Variants in IMMP2L observed in about 807,000 individuals in gnomAD.
The protein encoded by IMMP2L is inner mitochondrial membrane peptidase subunit 2, also known as mitochondrial inner membrane protease subunit 2.
IMMP2L carries 18 observed loss-of-function variants against 19.3 expected under a neutral mutation model. That is an observed-to-expected ratio of 0.93 (90% CI 0.64 to 1.38). The LOEUF is 1.38. IMMP2L is among the 40% of genes most tolerant of loss of function. The pLI, the probability that IMMP2L is intolerant of heterozygous loss-of-function variation, is 0.00. For missense variants in IMMP2L, 233 were observed against 218.2 expected (o/e 1.07, Z -0.43); for synonymous variants, 76 against 73.0 (o/e 1.04, Z -0.21).
At chr7:111,269,670 A>G (rs1230438009) in intron 3 of IMMP2L, among the ~76,000 whole-genome samples, 1 of 152,194 alleles carries the variant, frequency 6.6e-6, no homozygotes, top group African/African-American at 2.4e-5. Flanking sequence ...CAATGTTCAC[A>G]TCATGAAAGA....
intron 3 of IMMP2L, among the ~76,000 whole-genome samples, chr7:111,422,512 GCT>G (rs1383825149): frequency 6.6e-6 from 1 of 151,772 alleles, no homozygotes; most frequent in East Asian, 1.9e-4. Flanking sequence ...TCATGATTTG[GCT>G]CTCTGTTTGT....
chr7:111,214,509 T>G (rs214465), intron 3 of IMMP2L, among the ~76,000 whole-genome samples: 54,736 of 133,712 alleles, frequency 0.41, 11,283 homozygotes, highest in Non-Finnish European at 0.49. Flanking sequence ...AATCTGTTTT[T>G]TTTTTTTTTT....
At chr7:111,086,451 G>GA (rs200132086) in intron 3 of IMMP2L, among the ~76,000 whole-genome samples, 5 of 44,152 alleles carry the variant, frequency 1.1e-4, no homozygotes, top group African/African-American at 2.1e-4. Flanking sequence ...CAAAAATAAA[G>GA]AAAAAAAAAT....
At chr7:111,347,092 A>T (rs1382024732) in intron 3 of IMMP2L, among the ~76,000 whole-genome samples, 1 of 152,154 alleles carries the variant, frequency 6.6e-6, no homozygotes, top group Non-Finnish European at 1.5e-5. Flanking sequence ...ACGACTGCCA[A>T]GTCTCTGCTT....
chr7:110,864,615 G>C lies in IMMP2L; in HGVS notation c.408+21978C>G, dbSNP rs143602301. Among the ~76,000 whole-genome samples the C allele has an allele frequency of 2.2e-3, 332 of 152,072 alleles. 1 individual carries two copies. Among genetic ancestry groups the C allele is most frequent in the Middle Eastern group, 6.8e-3 (2 of 294 alleles). Reference sequence around the variant, plus strand: ...TGAAGAAACACAGAGTGCAAAAAGGGTTATTTCTTATTTTTTCTTTTGAAT... The same window carrying C: ...TGAAGAAACACAGAGTGCAAAAAGGCTTATTTCTTATTTTTTCTTTTGAAT... On this transcript the variant is annotated intron_variant, in intron 5 of 5. Transcript: ENST00000405709.
intron 3 of IMMP2L, among the ~76,000 whole-genome samples, chr7:111,128,051 G>A (rs889687393): frequency 6.6e-6 from 1 of 152,028 alleles, no homozygotes; most frequent in South Asian, 2.1e-4. Context: ...ACATATACTA[G>A]TCATTTAATA....
At chr7:110,836,879 C>G (rs1563012082) in intron 5 of IMMP2L, among the ~76,000 whole-genome samples, 1 of 152,112 alleles carries the variant, frequency 6.6e-6, no homozygotes, top group Non-Finnish European at 1.5e-5. Context: ...TAAGGATCCC[C>G]AGGGTGCAGA....
chr7:110,956,325 C>T (rs1818350385), intron 4 of IMMP2L, among the ~76,000 whole-genome samples: 1 of 152,028 alleles, frequency 6.6e-6, no homozygotes, highest in South Asian at 2.1e-4. Flanking sequence ...TTGTGCTGTA[C>T]TCACCAGCAC....
intron 3 of IMMP2L, among the ~76,000 whole-genome samples, chr7:111,168,637 C>T (rs1447165285): frequency 6.6e-6 from 1 of 151,864 alleles, no homozygotes; most frequent in East Asian, 1.9e-4. Context: ...AAGGACTTCC[C>T]TAATTTGAAA....
chr7:110,975,215 A>G (rs1361542599), intron 3 of IMMP2L, among the ~76,000 whole-genome samples: 1 of 152,152 alleles, frequency 6.6e-6, no homozygotes, highest in East Asian at 1.9e-4. Context: ...TTATAACTCT[A>G]TAGAAATAAG....
chr7:111,226,172 T>C (rs1445251429), intron 3 of IMMP2L, among the ~76,000 whole-genome samples: 1 of 152,012 alleles, frequency 6.6e-6, no homozygotes, highest in Non-Finnish European at 1.5e-5. Context: ...TGTTTTGTTT[T>C]CTGAGACAGG....
chr7:111,529,312 T>C (rs1464176524), intron 1 of IMMP2L, among the ~76,000 whole-genome samples: 1 of 152,062 alleles, frequency 6.6e-6, no homozygotes, highest in Non-Finnish European at 1.5e-5. Context: ...AATACAAGGA[T>C]AAAAAAGAAA....
At chr7:110,744,040 G>C (rs1797162670) in intron 5 of IMMP2L, among the ~76,000 whole-genome samples, 5 of 152,176 alleles carry the variant, frequency 3.3e-5, no homozygotes. Flanking sequence ...GCAGCAGTCT[G>C]AGTTCGACCT....
intron 3 of IMMP2L, among the ~76,000 whole-genome samples, chr7:111,412,455 A>T (rs936819978): frequency 2.0e-5 from 3 of 151,884 alleles, no homozygotes; most frequent in African/African-American, 7.3e-5. Context: ...TTCTTTGATC[A>T]CAAAGGAGTT....
chr7:110,864,261 A>C (rs1329877184), intron 5 of IMMP2L, among the ~76,000 whole-genome samples: 1 of 152,120 alleles, frequency 6.6e-6, no homozygotes, highest in Non-Finnish European at 1.5e-5. Context: ...AAATTGAAAT[A>C]AAGTTAGTAC....
At chr7:111,252,288 C>T (rs1205119435) in intron 3 of IMMP2L, among the ~76,000 whole-genome samples, 1 of 152,060 alleles carries the variant, frequency 6.6e-6, no homozygotes, top group Non-Finnish European at 1.5e-5. Flanking sequence ...AGTGTATGTA[C>T]GTAGCATGCA....
At chr7:111,005,125 C>T (rs938180272) in intron 3 of IMMP2L, among the ~76,000 whole-genome samples, 1 of 152,066 alleles carries the variant, frequency 6.6e-6, no homozygotes, top group Non-Finnish European at 1.5e-5. Flanking sequence ...GCCTATATTC[C>T]TATTTTGGAG....
intron 3 of IMMP2L, among the ~76,000 whole-genome samples, chr7:111,079,430 A>C (rs947148394): frequency 1.3e-5 from 2 of 151,988 alleles, no homozygotes; most frequent in African/African-American, 4.8e-5. Flanking sequence ...TTTTTTTCTA[A>C]ATTCACTAAA....
chr7:111,058,218 G>C (rs1793691175), intron 3 of IMMP2L, among the ~76,000 whole-genome samples: 1 of 152,060 alleles, frequency 6.6e-6, no homozygotes. Flanking sequence ...AACTCAGGCT[G>C]TCATCCCACT....
Sources: allele counts gnomAD v4.1 joint callset (sites outside exome capture counted in the v4.1 genomes callset), GRCh38; gene constraint gnomAD v4.1.1; transcripts MANE v1.5; gene names NCBI Gene and HGNC (gene_info 2026-07-23, HGNC 2026-07-21).